The following SGPP1 variants were observed in gnomAD, a reference collection of about 807,000 sequenced individuals.
SGPP1 encodes the protein sphingosine-1-phosphate phosphatase 1.
In SGPP1, 21 loss-of-function variants were observed where a neutral mutation model predicts 33.0. That is an observed-to-expected ratio of 0.64 (90% confidence interval 0.45 to 0.92). The LOEUF (loss-of-function observed/expected upper bound fraction) is 0.92, where lower values mean the gene tolerates loss of function less well. Ranked by LOEUF, SGPP1 falls within the 40% of genes least tolerant of loss-of-function variation. The probability of loss-of-function intolerance (pLI) is 0.00; values close to 1 mark genes in which losing one functional copy is unlikely to be tolerated. For synonymous variants in SGPP1, 239 were observed against 241.2 expected (o/e 0.99, Z 0.08); for missense variants, 543 against 589.4 (o/e 0.92, Z 0.81).
intron 1 of SGPP1, among the ~76,000 whole-genome samples, chr14:63,725,907 A>G (rs1191108785): frequency 1.3e-5 from 2 of 152,220 alleles, no homozygotes; most frequent in African/African-American, 2.4e-5. Context: ...AGCTCATTGA[A>G]AATCTTAAAT....
At chr14:63,690,056 TTCTC>T (rs775158171) in intron 2 of SGPP1, among the ~76,000 whole-genome samples, 1 of 152,198 alleles carries the variant, frequency 6.6e-6, no homozygotes, top group Non-Finnish European at 1.5e-5. Context: ...ACTTGAATGC[TTCTC>T]TGTTTTTTGT....
intron 2 of SGPP1, among the ~76,000 whole-genome samples, chr14:63,688,494 T>C (rs1014039426): frequency 1.3e-5 from 2 of 152,034 alleles, no homozygotes; most frequent in South Asian, 2.1e-4. Flanking sequence ...AACAAAGCTA[T>C]TAAATAACTT....
intron 1 of SGPP1, among the ~76,000 whole-genome samples, chr14:63,715,565 C>T (rs1248981060): frequency 2.0e-5 from 3 of 152,078 alleles, no homozygotes; most frequent in Non-Finnish European, 2.9e-5. Context: ...CCTGTGATTG[C>T]ATTATCCTGC....
At chr14:63,692,952 T>C (rs1885116115) in intron 2 of SGPP1, among the ~76,000 whole-genome samples, 1 of 152,234 alleles carries the variant, frequency 6.6e-6, no homozygotes, top group South Asian at 2.1e-4. Flanking sequence ...ATTTCTTTTT[T>C]TGAGAGAGGA....
chr14:63,716,700 T>TC (rs1350423074), intron 1 of SGPP1, among the ~76,000 whole-genome samples: 1 of 146,296 alleles, frequency 6.8e-6, no homozygotes, highest in African/African-American at 2.5e-5. Context: ...CAATAATACT[T>TC]TTTTTTTTTT....
chr14:63,722,526 A>G (rs1178130923), intron 1 of SGPP1, among the ~76,000 whole-genome samples: 2 of 151,372 alleles, frequency 1.3e-5, no homozygotes, highest in African/African-American at 4.9e-5. Context: ...GTGAGACTCC[A>G]TCTCAAAAAA....
At position 63,727,656 on chromosome 14, in the gene SGPP1, G is replaced by C. The variant is rs1885916673; in HGVS notation, c.289C>G (p.Leu97Val). 1.5e-6 allele frequency: 2 copies of C among 1,346,474 alleles called. No individual in the cohort carries two copies. The highest frequency in any genetic ancestry group is 1.5e-5 in the African/African-American group (1 of 64,756). The allele number at this position is 1,346,474 out of a possible 1,614,324, so 83.4% of individuals were successfully genotyped here. A position where few individuals can be genotyped will look rare whatever the true frequency, so the allele number is the denominator to read the frequency against. The change falls in exon 1 of 3, where the codon CTG (leucine) becomes GTG (valine). Residue 97 changes from leucine to valine, a missense_variant. Coordinates refer to ENST00000247225, the MANE Select transcript of SGPP1 (RefSeq NM_030791.4). ...NGVRNGLAAELGPASPRRAGA... is the reference protein window; with the variant it reads ...NGVRNGLAAEVGPASPRRAGA... ...GCGCGCCGCGGCGAGGCCGGGCCCAGCTCGGCCGCCAGCCCGTTCCGCACG... is the reference window on the plus strand; with the variant it reads ...GCGCGCCGCGGCGAGGCCGGGCCCACCTCGGCCGCCAGCCCGTTCCGCACG...
intron 1 of SGPP1, among the ~76,000 whole-genome samples, chr14:63,722,646 A>G (rs1184577900): frequency 1.3e-5 from 2 of 152,048 alleles, no homozygotes. Context: ...CTAGTTGGCA[A>G]TGAGTTGTCT....
chr14:63,694,205 CA>C (rs1279948167), intron 2 of SGPP1, among the ~76,000 whole-genome samples: 1 of 150,444 alleles, frequency 6.6e-6, no homozygotes, highest in Admixed American at 6.7e-5. Flanking sequence ...GTCCAGGAGG[CA>C]AAGGTTGCAG....
At chr14:63,708,671 G>T (rs1163772174) in intron 1 of SGPP1, among the ~76,000 whole-genome samples, 1 of 152,124 alleles carries the variant, frequency 6.6e-6, no homozygotes, top group Non-Finnish European at 1.5e-5. Context: ...TTTACTGAGA[G>T]GTTAGTAATT....
At chr14:63,690,196 T>C (rs1885062973) in intron 2 of SGPP1, among the ~76,000 whole-genome samples, 1 of 152,184 alleles carries the variant, frequency 6.6e-6, no homozygotes, top group Non-Finnish European at 1.5e-5. Context: ...TGCATCACCA[T>C]GCCCAGCTAG....
At chr14:63,723,225 A>G (rs1157952342) in intron 1 of SGPP1, among the ~76,000 whole-genome samples, 1 of 152,068 alleles carries the variant, frequency 6.6e-6, no homozygotes, top group Non-Finnish European at 1.5e-5. Flanking sequence ...TTTTTTTTCC[A>G]ATTCAGGCTA....
intron 1 of SGPP1, among the ~76,000 whole-genome samples, chr14:63,724,910 G>A (rs1306566110): frequency 6.6e-6 from 1 of 150,978 alleles, no homozygotes; most frequent in African/African-American, 2.4e-5. Context: ...GCTGGCACTT[G>A]GGAGGCCAAG....
At chr14:63,713,690 CCATAT>C (rs1437666823) in intron 1 of SGPP1, among the ~76,000 whole-genome samples, 1 of 152,132 alleles carries the variant, frequency 6.6e-6, no homozygotes. Flanking sequence ...TGTGGGATAG[CCATAT>C]CATGTTAGGT....
chr14:63,703,156 G>A (rs984903213), intron 1 of SGPP1, among the ~76,000 whole-genome samples: 1 of 151,838 alleles, frequency 6.6e-6, no homozygotes, highest in African/African-American at 2.4e-5. Flanking sequence ...CAGCAAAGTT[G>A]CAGGGTGTAA....
intron 2 of SGPP1, among the ~76,000 whole-genome samples, chr14:63,689,441 C>T (rs1254096354): frequency 1.3e-5 from 2 of 152,056 alleles, no homozygotes; most frequent in South Asian, 2.1e-4. Context: ...TATCAGCCAC[C>T]GGGCCTGGCC....
chr14:63,716,078 C>T (rs1252090517), intron 1 of SGPP1, among the ~76,000 whole-genome samples: 1 of 151,962 alleles, frequency 6.6e-6, no homozygotes, highest in East Asian at 1.9e-4. Context: ...CAACAAAATC[C>T]AAAACTGTAA....
intron 2 of SGPP1, among the ~76,000 whole-genome samples, chr14:63,692,070 T>TA (rs1349339355): frequency 6.6e-6 from 1 of 152,228 alleles, no homozygotes; most frequent in Non-Finnish European, 1.5e-5. Context: ...AGATGATATA[T>TA]AATTTATTGA....
In SGPP1 at chr14:63,686,367, G is replaced by A; in HGVS notation, c.1064C>T (p.Pro355Leu). Residue 355 changes from proline (P) to leucine (L), a missense_variant, in exon 3 of 3, where the codon CCC (proline) becomes CTC (leucine). By Grantham distance (98) the Pro-to-Leu change is moderately conservative (BLOSUM62 -3). Coordinates refer to ENST00000247225, the MANE Select transcript of SGPP1 (RefSeq NM_030791.4). ...TCCAAACAGAGTCACAGTAATGGGG[G>A]GCCCAGCTAAAGGTAATGTATCTAG... Reference protein sequence around the residue: ...PSLDTLPLAGPPITVTLFGKA... With the variant: ...PSLDTLPLAGLPITVTLFGKA... The A allele has an allele frequency of 6.2e-7, 1 of 1,614,030 alleles. No individual in the cohort carries two copies. Among genetic ancestry groups the A allele is most frequent in the Admixed American group, 1.7e-5 (1 of 59,990 alleles).
Sources: allele counts gnomAD v4.1 joint callset (sites outside exome capture counted in the v4.1 genomes callset), GRCh38; gene constraint gnomAD v4.1.1; transcripts MANE v1.5; gene names NCBI Gene and HGNC (gene_info 2026-07-23, HGNC 2026-07-21).